The following ARHGAP26 variants were observed in gnomAD, a reference collection of about 807,000 sequenced individuals.
The protein encoded by ARHGAP26 is rho GTPase-activating protein 26.
A neutral mutation model predicts 104.8 loss-of-function variants in ARHGAP26; 38 were observed. The observed-to-expected ratio is 0.36, with a 90% confidence interval of 0.28 to 0.48. The LOEUF (loss-of-function observed/expected upper bound fraction) is 0.48. ARHGAP26 is among the 20% of genes least tolerant of loss of function. ARHGAP26 has a pLI of 0.99. For missense variants in ARHGAP26, 704 were observed against 947.9 expected (o/e 0.74, Z 3.38); for synonymous variants, 341 against 340.0 (o/e 1.00, Z -0.03).
chr5:142,849,100 C>T (rs1751018880), intron 1 of ARHGAP26, among the ~76,000 whole-genome samples: 1 of 152,216 alleles, frequency 6.6e-6, no homozygotes, highest in South Asian at 2.1e-4. Context: ...GTTTATTACC[C>T]TCTTCTCTGA....
At chr5:142,992,588 C>T (rs555730946) in intron 11 of ARHGAP26, among the ~76,000 whole-genome samples, 81 of 151,906 alleles carry the variant, frequency 5.3e-4, no homozygotes, top group African/African-American at 1.6e-3. Context: ...CCACCATGCC[C>T]GGCTAATTTT....
intron 1 of ARHGAP26, among the ~76,000 whole-genome samples, chr5:142,817,207 A>T (rs761438004): frequency 5.9e-5 from 9 of 152,106 alleles, no homozygotes; most frequent in Non-Finnish European, 1.0e-4. Flanking sequence ...GCAGAGAAGC[A>T]GATGGGAGGG....
At chr5:143,191,695 G>A (rs1805942963) in intron 20 of ARHGAP26, among the ~76,000 whole-genome samples, 1 of 152,208 alleles carries the variant, frequency 6.6e-6, no homozygotes, top group Non-Finnish European at 1.5e-5. Flanking sequence ...GACTGAGTTT[G>A]GGCGCCACCA....
At chr5:142,896,564 T>C (rs1383037729) in intron 6 of ARHGAP26, among the ~76,000 whole-genome samples, 3 of 152,298 alleles carry the variant, frequency 2.0e-5, no homozygotes, top group South Asian at 2.1e-4. Flanking sequence ...TCCTCCTCCT[T>C]CTTCTCCTTC....
At chr5:143,045,020 T>A (rs924580790) in intron 14 of ARHGAP26, among the ~76,000 whole-genome samples, 3 of 152,184 alleles carry the variant, frequency 2.0e-5, no homozygotes, top group Admixed American at 1.3e-4. Context: ...AAAAGAAATA[T>A]GACATTTTAG....
chr5:142,902,795 G>T (rs1417421970), intron 7 of ARHGAP26, among the ~76,000 whole-genome samples: 1 of 152,212 alleles, frequency 6.6e-6, no homozygotes, highest in African/African-American at 2.4e-5. Context: ...ACAAAGCATG[G>T]CTTCCCCTTA....
rs1395787130 is a variant in ARHGAP26, at chr5:142,903,612, G to A, written c.775G>A (p.Glu259Lys). The A allele has an allele frequency of 6.2e-7, 1 of 1,614,050 alleles. No homozygotes were observed. Among genetic ancestry groups the A allele is most frequent in the South Asian group, 1.1e-5 (1 of 91,080 alleles). The change falls in exon 8 of 23, where the codon GAG (glutamate) becomes AAG (lysine). Residue 259 changes from glutamate (E) to lysine (K), a missense_variant. By Grantham distance (56) the Glu-to-Lys change is moderately conservative. Around this residue, in one of 6 missense-constraint regions of ARHGAP26, gnomAD observed 287 missense variants for 438.8 expected, o/e 0.65. Coordinates refer to ENST00000645722, the MANE Select transcript of ARHGAP26 (RefSeq NM_001135608.3). ...GAAAAAGATGAAGGAGAATCCCCTT[G>A]AGCACAAGACCATCAGTCCCTACAC... ...LMKKMKENPL[E>K]HKTISPYTME... is the part of the protein sequence containing the mutation.
intron 20 of ARHGAP26, among the ~76,000 whole-genome samples, chr5:143,194,692 T>A (rs906213805): frequency 4.6e-5 from 7 of 152,222 alleles, no homozygotes; most frequent in African/African-American, 1.7e-4. Context: ...TAAAAATGAT[T>A]TTCCTTCAAT....
chr5:143,145,724 A>G (rs1285367334), intron 19 of ARHGAP26, among the ~76,000 whole-genome samples: 1 of 152,150 alleles, frequency 6.6e-6, no homozygotes, highest in Non-Finnish European at 1.5e-5. Flanking sequence ...CATCAATTCA[A>G]TCTACTTTTT....
chr5:142,811,333 CTG>C (rs1462431159), intron 1 of ARHGAP26, among the ~76,000 whole-genome samples: 1 of 152,212 alleles, frequency 6.6e-6, no homozygotes, highest in Non-Finnish European at 1.5e-5. Flanking sequence ...GTGAAATGTG[CTG>C]TGGTCAACCA....
chr5:143,145,581 G>T (rs1245084398), intron 19 of ARHGAP26, among the ~76,000 whole-genome samples: 1 of 152,142 alleles, frequency 6.6e-6, no homozygotes, highest in Non-Finnish European at 1.5e-5. Flanking sequence ...TTTCTTTCTG[G>T]TAGGAAGTTC....
intron 19 of ARHGAP26, among the ~76,000 whole-genome samples, chr5:143,144,580 C>CT (rs775336479): frequency 6.6e-6 from 1 of 151,974 alleles, no homozygotes; most frequent in Non-Finnish European, 1.5e-5. Flanking sequence ...TAATTTTTAA[C>CT]TTTTTTTGTA....
At chr5:143,027,175 G>GTT (rs10551710) in intron 12 of ARHGAP26, among the ~76,000 whole-genome samples, 9 of 140,938 alleles carry the variant, frequency 6.4e-5, no homozygotes, top group Non-Finnish European at 1.1e-4. Flanking sequence ...GATTTTTTGT[G>GTT]TTTTTTTTTT....
chr5:143,054,652 T>C (rs1171412779), intron 15 of ARHGAP26, 126 bp downstream of exon 15: 8 of 641,628 alleles, frequency 1.2e-5, no homozygotes, highest in East Asian at 1.1e-4. Context: ...ACAGCTTCTG[T>C]GTGGGTGCGT....
chr5:142,950,662 A>G (rs1768185623), intron 11 of ARHGAP26, among the ~76,000 whole-genome samples: 1 of 152,188 alleles, frequency 6.6e-6, no homozygotes, highest in Admixed American at 6.6e-5. Flanking sequence ...TCAAGGTCAT[A>G]AGAAGTTCTG....
chr5:142,935,378 G>A (rs1045223597), intron 11 of ARHGAP26, among the ~76,000 whole-genome samples: 3 of 152,170 alleles, frequency 2.0e-5, no homozygotes, highest in Non-Finnish European at 4.4e-5. Context: ...CAGGCTTTGT[G>A]GGCCATGTGG....
At chr5:143,066,945 A>G (rs962581844) in intron 17 of ARHGAP26, among the ~76,000 whole-genome samples, 12 of 151,892 alleles carry the variant, frequency 7.9e-5, no homozygotes, top group African/African-American at 2.7e-4. Context: ...TCGTGATTCA[A>G]ATGCTCTGTG....
intron 14 of ARHGAP26, among the ~76,000 whole-genome samples, chr5:143,045,423 C>G (rs2150177262): frequency 7.5e-6 from 1 of 132,836 alleles, no homozygotes; most frequent in Middle Eastern, 3.6e-3. Flanking sequence ...CACCAGGGCT[C>G]TAGACCCCTT....
chr5:142,934,693 T>C (rs1221176026), intron 11 of ARHGAP26, among the ~76,000 whole-genome samples: 5 of 152,248 alleles, frequency 3.3e-5, no homozygotes, highest in Non-Finnish European at 5.9e-5. Flanking sequence ...AGGGAGCTGT[T>C]ATAGTGGCAA....
Sources: allele counts gnomAD v4.1 joint callset (sites outside exome capture counted in the v4.1 genomes callset), GRCh38; gene constraint gnomAD v4.1.1; regional missense constraint gnomAD v4.1.1; transcripts MANE v1.5; gene names NCBI Gene and HGNC (gene_info 2026-07-23, HGNC 2026-07-21).